SEMA6D: variants seen among roughly 807,000 people sequenced by gnomAD.
The protein encoded by SEMA6D is semaphorin-6D.
SEMA6D carries 35 observed loss-of-function variants against 106.6 expected under a neutral mutation model. The ratio of observed to expected loss-of-function variants is 0.33; its 90% CI spans 0.25 to 0.44. SEMA6D has a LOEUF of 0.44. Among genes scored for constraint, SEMA6D ranks in the 20% least tolerant of loss-of-function variants. The pLI is 1.00. For missense variants in SEMA6D, 1,185 were observed against 1,345.9 expected (o/e 0.88, Z 1.87); for synonymous variants, 499 against 487.7 (o/e 1.02, Z -0.31).
chr15:47,223,854 T>C (rs1439263275), intron 1 of SEMA6D, among the ~76,000 whole-genome samples: 6 of 152,172 alleles, frequency 3.9e-5, no homozygotes, highest in African/African-American at 1.2e-4. Flanking sequence ...ATTCTCTTAC[T>C]CTTTGCTTCT....
intron 3 of SEMA6D, among the ~76,000 whole-genome samples, chr15:47,489,702 A>G (rs967972901): frequency 1.3e-5 from 2 of 151,472 alleles, no homozygotes; most frequent in African/African-American, 4.9e-5. Context: ...CCCAGGCTGG[A>G]GTGCAGTGGC....
rs116502358 is a variant in SEMA6D at position 47,627,000 on chromosome 15, A to G, written c.-55+26104A>G. Among the ~76,000 whole-genome samples the G allele has an allele frequency of 3.4e-3, 521 of 152,272 alleles. 4 individuals are homozygous for G. The highest frequency in any genetic ancestry group is 0.012 in the African/African-American group (501 of 41,572). On this transcript the variant is annotated intron_variant, in intron 4 of 19. Coordinates refer to the SEMA6D transcript ENST00000558014. ...GAAACAAGAAAGAGAGTATCGTACC[A>G]AAGAAGTTTAATTTACAAATGCAAG...
chr15:47,716,311 CTTT>C (rs2079114654), upstream of SEMA6D, among the ~76,000 whole-genome samples: 1 of 152,116 alleles, frequency 6.6e-6, no homozygotes, highest in South Asian at 2.1e-4. Flanking sequence ...CTTGGGGTGT[CTTT>C]TTTGAGTTCC....
intron 4 of SEMA6D, among the ~76,000 whole-genome samples, chr15:47,632,426 C>T (rs1039355378): frequency 6.7e-6 from 1 of 148,748 alleles, no homozygotes; most frequent in African/African-American, 2.4e-5. Flanking sequence ...TATAATTGTG[C>T]ATTTGTTTAT....
intron 4 of SEMA6D, among the ~76,000 whole-genome samples, chr15:47,635,775 G>T (rs2077376330): frequency 6.6e-6 from 1 of 152,026 alleles, no homozygotes; most frequent in South Asian, 2.1e-4. Context: ...GCACCCAAAT[G>T]TGTGATCACA....
At chr15:47,751,147 G>C (rs1262050705) in intron 1 of SEMA6D, among the ~76,000 whole-genome samples, 1 of 152,168 alleles carries the variant, frequency 6.6e-6, no homozygotes, top group Non-Finnish European at 1.5e-5. Context: ...ATATTCCAAA[G>C]CTTGTGGTGT....
In SEMA6D at chr15:47,316,105, T is replaced by TTTTTTTTTTTTTTTTTTTTTTTG; in HGVS notation, c.-238-96283_-238-96282insTTTTTTTTTTTTTTTTTGTTTTT. ...CAATCAGTATGCCATTTATTTCCTT[T>TTTTTTTTTTTTTTTTTTTTTTTG]TTTTTGAGACAGAATCTTGTTCTGT... On this transcript the variant is annotated intron_variant, in intron 1 of 19. Transcript: ENST00000558014. Among the ~76,000 whole-genome samples the TTTTTTTTTTTTTTTTTTTTTTTG allele has an allele frequency of 1.5e-5, 2 of 132,422 alleles. 1 individual carries two copies. Among genetic ancestry groups the TTTTTTTTTTTTTTTTTTTTTTTG allele is most frequent in the African/African-American group, 6.2e-5 (2 of 32,116 alleles). 86.9% of individuals were successfully genotyped at this position (132,422 alleles called of 152,430 possible).
At chr15:47,255,243 A>G (rs534665278) in intron 1 of SEMA6D, among the ~76,000 whole-genome samples, 1 of 152,194 alleles carries the variant, frequency 6.6e-6, no homozygotes, top group South Asian at 2.1e-4. Flanking sequence ...AGTTGTTCAT[A>G]ATAGTCTCTT....
At chr15:47,764,337 T>G (rs1391844574) in intron 11 of SEMA6D, 32 bp downstream of exon 11, 1 of 1,599,434 alleles carries the variant, frequency 6.3e-7, no homozygotes, top group Non-Finnish European at 8.5e-7. Flanking sequence ...GGTTTTGTCT[T>G]GAACAAAACC....
At chr15:47,371,391 A>G (rs1053348461) in intron 1 of SEMA6D, among the ~76,000 whole-genome samples, 17 of 152,370 alleles carry the variant, frequency 1.1e-4, no homozygotes, top group African/African-American at 3.8e-4. Context: ...AAATGAATCA[A>G]ACTAATGTGT....
At chr15:47,727,280 G>A (rs2079817907) in intron 1 of SEMA6D, among the ~76,000 whole-genome samples, 1 of 152,196 alleles carries the variant, frequency 6.6e-6, no homozygotes, top group Non-Finnish European at 1.5e-5. Flanking sequence ...TTAAAATGCA[G>A]ATTCCCAGAG....
At chr15:47,457,237 C>A (rs11857221) in intron 2 of SEMA6D, among the ~76,000 whole-genome samples, 70,986 of 151,688 alleles carry the variant, frequency 0.47, 17,547 homozygotes, top group African/African-American at 0.64. Flanking sequence ...AATCTCAAAC[C>A]TACTTTAAAG....
chr15:47,630,055 G>A (rs2144481591), intron 4 of SEMA6D, among the ~76,000 whole-genome samples: 1 of 151,908 alleles, frequency 6.6e-6, no homozygotes, highest in South Asian at 2.1e-4. Flanking sequence ...TTTTCCTTTA[G>A]ATAGATATTC....
At chr15:47,304,289 CA>C (rs2036139828) in intron 1 of SEMA6D, among the ~76,000 whole-genome samples, 1 of 151,586 alleles carries the variant, frequency 6.6e-6, no homozygotes, top group Admixed American at 6.6e-5. Context: ...ACTGAAAATA[CA>C]AAAAAATTAG....
intron 1 of SEMA6D, among the ~76,000 whole-genome samples, chr15:47,350,370 C>A: frequency 6.6e-6 from 1 of 152,138 alleles, no homozygotes; most frequent in East Asian, 1.9e-4. Context: ...GTAACTTGAA[C>A]ATGGGGTCAA....
intron 1 of SEMA6D, among the ~76,000 whole-genome samples, chr15:47,725,988 A>G (rs919515021): frequency 1.0e-4 from 16 of 152,382 alleles, no homozygotes; most frequent in African/African-American, 3.8e-4. Flanking sequence ...AGGATTAAGC[A>G]TATACAAATT....
chr15:47,320,938 C>G (rs1474438331), intron 1 of SEMA6D, among the ~76,000 whole-genome samples: 1 of 152,098 alleles, frequency 6.6e-6, no homozygotes, highest in African/African-American at 2.4e-5. Flanking sequence ...CTGCCTGTTA[C>G]CTGGATAGCA....
intron 1 of SEMA6D, among the ~76,000 whole-genome samples, chr15:47,222,188 A>G (rs145782404): frequency 2.0e-5 from 3 of 152,272 alleles, no homozygotes; most frequent in African/African-American, 4.8e-5. Context: ...ATTTTATGGG[A>G]CTAGTCTTTC....
intron 1 of SEMA6D, among the ~76,000 whole-genome samples, chr15:47,277,609 ATT>A (rs1258245579): frequency 3.2e-4 from 41 of 128,600 alleles, no homozygotes; most frequent in African/African-American, 1.0e-3. Flanking sequence ...TATTATTATT[ATT>A]ATTTATTATT....
Sources: gnomAD v4.1 joint callset for allele counts (sites outside exome capture counted in the v4.1 genomes callset) on GRCh38, gnomAD v4.1.1 for gene constraint, MANE v1.5 for transcripts, NCBI Gene and HGNC (gene_info 2026-07-23, HGNC 2026-07-21) for gene names.